The following GLB1 variants were observed in gnomAD, a reference collection of about 807,000 sequenced individuals.
GLB1 encodes the protein beta-galactosidase.
In GLB1, 56 loss-of-function variants were observed where a neutral mutation model predicts 74.0. The ratio of observed to expected loss-of-function variants is 0.76; its 90% CI spans 0.61 to 0.94. GLB1 has a LOEUF of 0.94. Among genes scored for constraint, GLB1 ranks in the 40% least tolerant of loss-of-function variants. GLB1 has a pLI of 0.00. For missense variants in GLB1, 787 were observed against 845.5 expected, an observed-to-expected ratio of 0.93 and a Z score of 0.86; for synonymous variants, 323 against 323.6, an observed-to-expected ratio of 1.00 and a Z score of 0.02.
chr3:32,983,713 C>T, the GLB1 span, among the ~76,000 whole-genome samples: 2 of 152,130 alleles, frequency 1.3e-5, no homozygotes, highest in Non-Finnish European at 2.9e-5. Context: ...GGGTCTCACT[C>T]TGTTGCCCAG....
intron 14 of GLB1, among the ~76,000 whole-genome samples, chr3:33,015,625 CACA>C (rs1697208858): frequency 6.6e-6 from 1 of 152,228 alleles, no homozygotes; most frequent in African/African-American, 2.4e-5. Context: ...CCAGAGACTA[CACA>C]ACAGAGTCGA....
chr3:33,034,165 A>G (rs1698174882), intron 10 of GLB1: 1 of 631,788 alleles, frequency 1.6e-6, no homozygotes, highest in Non-Finnish European at 2.9e-6. Flanking sequence ...ACCCCTCAGG[A>G]TATGACTCCT....
chr3:33,091,751 CGAGT>C (rs1465977601), intron 1 of GLB1: 2 of 985,280 alleles, frequency 2.0e-6, no homozygotes, highest in Non-Finnish European at 2.4e-6. Context: ...CCAGTCAGAG[CGAGT>C]GTCTTCACTC....
intron 15 of GLB1, 147 bp downstream of exon 15, chr3:33,013,909 C>T: frequency 6.8e-7 from 1 of 1,460,042 alleles, no homozygotes; most frequent in Non-Finnish European, 9.2e-7. Context: ...GAAGATCTGC[C>T]ACAATCCGCC....
At position 33,046,238 on chromosome 3, in the gene GLB1, A is replaced by G. The variant is rs779848232; in HGVS notation, c.956-6T>C. On this transcript the variant is annotated splice_polypyrimidine_tract_variant and splice_region_variant and intron_variant, in intron 9 of 15. Transcript: ENST00000307363. The stretch of plus-strand genomic sequence containing the variant: ...TGCATAGGGTGAGTTGGCCCCTAGA[A>G]GACAAAAATGTGCCACTAGTTATTA... 25 of 1,613,814 alleles carry G rather than the reference A, an allele frequency of 1.5e-5. No individual in the cohort carries two copies. In the African/African-American group the frequency reaches 2.1e-4, roughly 14 times the overall value.
chr3:33,096,352 C>T (rs1417408469), intron 1 of GLB1: 4 of 977,440 alleles, frequency 4.1e-6, no homozygotes, highest in Non-Finnish European at 4.9e-6. Context: ...TTCGCCTCGC[C>T]AGCCCTGCCC....
rs941019416 is a variant in GLB1 at position 33,096,732 on chromosome 3, C to G, written c.75+279G>C. 4 of 1,286,602 alleles carry G rather than the reference C, an allele frequency of 3.1e-6. No homozygotes were observed. The Admixed American group carries it at 1.3e-4, about 43-fold the overall frequency. The allele number at this position is 1,286,602 out of a possible 1,614,324, so 79.7% of individuals were successfully genotyped here. On this transcript the variant is annotated intron_variant, in intron 1 of 15. Coordinates refer to ENST00000307363, the MANE Select transcript of GLB1 (RefSeq NM_000404.4). Reference sequence around the variant, plus strand: ...GTTTACACGCACCTCGTCTCAACACCTCGTTACAGATGGGGAAGTGGATCC... The same window carrying G: ...GTTTACACGCACCTCGTCTCAACACGTCGTTACAGATGGGGAAGTGGATCC...
At chr3:32,996,265 C>T (rs1029388426), downstream of GLB1, among the ~76,000 whole-genome samples, 3 of 152,228 alleles carry the variant, frequency 2.0e-5, no homozygotes, top group African/African-American at 4.8e-5. Context: ...TGTGCACATA[C>T]ACAGCACACA....
intron 4 of GLB1, among the ~76,000 whole-genome samples, chr3:33,066,229 G>A (rs1318798206): frequency 6.6e-6 from 1 of 152,184 alleles, no homozygotes; most frequent in East Asian, 1.9e-4. Context: ...AATCCCCAAT[G>A]TGGTAGTATT....
chr3:33,096,153 G>A (rs577723970), intron 1 of GLB1, among the ~76,000 whole-genome samples: 1 of 152,242 alleles, frequency 6.6e-6, no homozygotes, highest in African/African-American at 2.4e-5. Flanking sequence ...ACACCCTGGA[G>A]GAACCAAAGT....
the GLB1 span, among the ~76,000 whole-genome samples, chr3:32,966,222 T>C: frequency 6.6e-6 from 1 of 152,222 alleles, no homozygotes; most frequent in Non-Finnish European, 1.5e-5. Context: ...TTAAACCAGC[T>C]GGGAGCGGGC....
intron 12 of GLB1, 170 bp downstream of exon 12, chr3:33,021,396 G>T: frequency 1.3e-6 from 1 of 761,402 alleles, no homozygotes; most frequent in Non-Finnish European, 2.2e-6. Flanking sequence ...AGCCCACCAC[G>T]CAGCACTTCA....
intron 15 of GLB1, among the ~76,000 whole-genome samples, chr3:33,007,472 C>A (rs1195567626): frequency 1.3e-5 from 2 of 152,224 alleles, no homozygotes; most frequent in African/African-American, 4.8e-5. Flanking sequence ...AACATACAGT[C>A]CTTTGTGACT....
the GLB1 span, among the ~76,000 whole-genome samples, chr3:32,978,813 T>G: frequency 1.4e-5 from 2 of 139,606 alleles, no homozygotes; most frequent in Non-Finnish European, 1.5e-5. Flanking sequence ...CAGGCTGGAG[T>G]GCAGCGACAT....
Position 33,001,918 on chromosome 3 carries a change from C to A in GLB1, c.1735-4574G>T, listed in dbSNP as rs111593865. 1.2e-3 allele frequency among the ~76,000 whole-genome samples: 180 copies of A among 152,280 alleles called. 1 individual carries two copies. Among genetic ancestry groups the A allele is most frequent in the African/African-American group, 4.0e-3 (166 of 41,558 alleles). ...ATGAAAAACACTTTAATATAATTTA[C>A]CTTTAAAAATTCTATTTAAAAAATA... On this transcript the variant is annotated intron_variant, in intron 15 of 15. Coordinates refer to ENST00000307363, the MANE Select transcript of GLB1 (RefSeq NM_000404.4).
the GLB1 span, among the ~76,000 whole-genome samples, chr3:32,978,891 C>A: frequency 1.4e-5 from 2 of 147,824 alleles, no homozygotes; most frequent in African/African-American, 5.0e-5. Context: ...TCCTGAGTAG[C>A]TGGGATTACA....
At position 33,092,421 on chromosome 3, in the gene GLB1, G is replaced by A. The variant is rs980780967; in HGVS notation, c.75+4590C>T. The A allele has an allele frequency of 6.1e-5, 61 of 997,004 alleles. No individual in the cohort carries two copies. The African/African-American group carries it at 1.0e-3, about 17-fold the overall frequency. 61.8% of individuals were successfully genotyped at this position (997,004 alleles called of 1,614,324 possible). ...ATCAATGATTCTGGAAACCACTTAA[G>A]TCCTAAAGACAATTTTAAAACACCA... On this transcript the variant is annotated intron_variant, in intron 1 of 15. Coordinates refer to ENST00000307363, the MANE Select transcript of GLB1 (RefSeq NM_000404.4).
the GLB1 span, among the ~76,000 whole-genome samples, chr3:32,991,157 G>C: frequency 6.6e-6 from 1 of 152,090 alleles, no homozygotes; most frequent in African/African-American, 2.4e-5. Context: ...TCTGACTGGT[G>C]GGGGGTTCAC....
At chr3:33,074,377 G>GAAAGAAAAAGAAAGAAAGA (rs1559412898) in intron 1 of GLB1, among the ~76,000 whole-genome samples, 1 of 8,192 alleles carries the variant, frequency 1.2e-4, no homozygotes, top group African/African-American at 2.1e-4. Flanking sequence ...AGGAAGGAAG[G>GAAAGAAAAAGAAAGAAAGA]AAGGAAGGAA....
Sources: allele counts gnomAD v4.1 joint callset (sites outside exome capture counted in the v4.1 genomes callset), GRCh38; gene constraint gnomAD v4.1.1; transcripts MANE v1.5; gene names NCBI Gene and HGNC (gene_info 2026-07-23, HGNC 2026-07-21).